RBFOX1: variants seen among roughly 807,000 people sequenced by gnomAD.
RBFOX1 encodes the protein RNA binding fox-1 homolog 1.
A neutral mutation model predicts 57.7 loss-of-function variants in RBFOX1; 8 were observed. The ratio of observed to expected loss-of-function variants is 0.14; its 90% confidence interval spans 0.08 to 0.25. The LOEUF (loss-of-function observed/expected upper bound fraction) is 0.25, where lower values mean the gene tolerates loss of function less well. Among genes scored for constraint, RBFOX1 ranks in the 10% least tolerant of loss-of-function variants. The pLI, the probability that RBFOX1 is intolerant of heterozygous loss-of-function variation, is 1.00. For missense variants in RBFOX1, 611 were observed against 548.5 expected, an observed-to-expected ratio of 1.11 and a Z score of -1.14; for synonymous variants, 326 against 222.4, an observed-to-expected ratio of 1.47 and a Z score of -4.15.
intron 2 of RBFOX1, among the ~76,000 whole-genome samples, chr16:6,536,407 CT>C (rs1374730576): frequency 1.3e-5 from 2 of 152,182 alleles, no homozygotes; most frequent in African/African-American, 4.8e-5. Context: ...TTTCTGTCCC[CT>C]ATTGTCCTCC....
chr16:7,162,954 A>C (rs7196045), intron 4 of RBFOX1, among the ~76,000 whole-genome samples: 32,214 of 151,914 alleles, frequency 0.21, 4,001 homozygotes, highest in East Asian at 0.42. Context: ...CACCTGACCT[A>C]ATGACCTTGG....
At chr16:6,754,858 C>T (rs1235854610) in intron 3 of RBFOX1, among the ~76,000 whole-genome samples, 1 of 152,064 alleles carries the variant, frequency 6.6e-6, no homozygotes, top group Non-Finnish European at 1.5e-5. Context: ...TCCCCTCTCC[C>T]CCCACCCCAC....
At chr16:6,374,518 G>T (rs2090915749) in intron 2 of RBFOX1, among the ~76,000 whole-genome samples, 1 of 152,062 alleles carries the variant, frequency 6.6e-6, no homozygotes, top group African/African-American at 2.4e-5. Context: ...TCTATTATGT[G>T]TTCTAGTGTC....
intron 4 of RBFOX1, among the ~76,000 whole-genome samples, chr16:7,169,397 G>T (rs1033617267): frequency 6.6e-6 from 1 of 152,186 alleles, no homozygotes; most frequent in Non-Finnish European, 1.5e-5. Flanking sequence ...GGGGTTGGGG[G>T]ATCCACTGTG....
chr16:7,017,005 C>G (rs1215441535), intron 3 of RBFOX1, among the ~76,000 whole-genome samples: 1 of 152,132 alleles, frequency 6.6e-6, no homozygotes, highest in Non-Finnish European at 1.5e-5. Context: ...TTGAGCGACC[C>G]TCTTTCTTTC....
Position 6,117,172 on chromosome 16 carries a change from T to C in RBFOX1, c.-127+97180T>C, listed in dbSNP as rs550044987. Among the ~76,000 whole-genome samples, 18 of 152,298 alleles carry C rather than the reference T, an allele frequency of 1.2e-4. No homozygotes were observed. The South Asian group carries it at 3.7e-3, about 32-fold the overall frequency. ...GTAAGCCAGACCCAAATGAACGGGA[T>C]TCCCTGTGAAAAGGGTGAGAGTTCA... On this transcript the variant is annotated intron_variant, in intron 1 of 15. Coordinates refer to ENST00000550418, the MANE Select transcript of RBFOX1 (RefSeq NM_018723.4).
chr16:6,874,818 A>C (rs986345594), intron 3 of RBFOX1, among the ~76,000 whole-genome samples: 1 of 152,172 alleles, frequency 6.6e-6, no homozygotes, highest in Non-Finnish European at 1.5e-5. Context: ...CTACATACTG[A>C]TTGGGTGATG....
chr16:7,694,459 T>G (rs962582798), intron 14 of RBFOX1, among the ~76,000 whole-genome samples: 15 of 152,352 alleles, frequency 9.8e-5, no homozygotes, highest in African/African-American at 3.6e-4. Flanking sequence ...AGGGTCAGTT[T>G]TATTTATATG....
At chr16:5,990,892 T>G (rs1029592924) in intron 4 of RBFOX1, among the ~76,000 whole-genome samples, 1 of 152,204 alleles carries the variant, frequency 6.6e-6, no homozygotes, top group African/African-American at 2.4e-5. Context: ...GAGACTCGCT[T>G]GAACCTGGAA....
At chr16:7,694,829 A>G (rs2078282197) in intron 14 of RBFOX1, among the ~76,000 whole-genome samples, 1 of 152,178 alleles carries the variant, frequency 6.6e-6, no homozygotes, top group African/African-American at 2.4e-5. Context: ...GGTGGGGAAT[A>G]ATGTTAATTT....
intron 4 of RBFOX1, among the ~76,000 whole-genome samples, chr16:7,062,877 C>A (rs1233641051): frequency 7.4e-6 from 1 of 135,426 alleles, no homozygotes; most frequent in East Asian, 2.3e-4. Flanking sequence ...TACCTCATCT[C>A]ATTCAAATGA....
intron 2 of RBFOX1, among the ~76,000 whole-genome samples, chr16:6,607,900 T>C (rs2097966306): frequency 6.6e-6 from 1 of 152,182 alleles, no homozygotes; most frequent in Non-Finnish European, 1.5e-5. Flanking sequence ...TCCTTGTTTC[T>C]GGAGTTGGCA....
chr16:5,445,356 C>G (rs2068210383), intron 1 of RBFOX1, among the ~76,000 whole-genome samples: 1 of 152,178 alleles, frequency 6.6e-6, no homozygotes, highest in Non-Finnish European at 1.5e-5. Flanking sequence ...AAACTCAACA[C>G]CCTGGAGTTT....
At chr16:7,448,464 C>T (rs563744838) in intron 4 of RBFOX1, among the ~76,000 whole-genome samples, 1 of 152,146 alleles carries the variant, frequency 6.6e-6, no homozygotes, top group Admixed American at 6.5e-5. Flanking sequence ...AGAGTGTATG[C>T]AGGGCAGCTT....
chr16:7,115,675 G>A (rs968607351), intron 4 of RBFOX1, among the ~76,000 whole-genome samples: 7 of 152,182 alleles, frequency 4.6e-5, no homozygotes, highest in African/African-American at 1.7e-4. Context: ...GAATGAAAGA[G>A]GGGACACCCA....
chr16:5,757,442 G>A (rs2151635106), intron 3 of RBFOX1, among the ~76,000 whole-genome samples: 1 of 152,050 alleles, frequency 6.6e-6, no homozygotes, highest in African/African-American at 2.4e-5. Flanking sequence ...ATTTTGGCCG[G>A]GATGGTCTCG....
intron 3 of RBFOX1, among the ~76,000 whole-genome samples, chr16:6,834,375 C>T (rs1366764731): frequency 1.3e-5 from 2 of 152,046 alleles, no homozygotes; most frequent in African/African-American, 4.8e-5. Context: ...CCACGCCTGG[C>T]CCTGATCCAA....
chr16:6,117,452 G>A (rs1028098824), intron 1 of RBFOX1, among the ~76,000 whole-genome samples: 1 of 152,236 alleles, frequency 6.6e-6, no homozygotes, highest in Non-Finnish European at 1.5e-5. Context: ...AAATTCTGGT[G>A]TTGCCGATGT....
intron 3 of RBFOX1, among the ~76,000 whole-genome samples, chr16:6,668,252 C>A (rs1219483133): frequency 6.6e-6 from 1 of 152,128 alleles, no homozygotes; most frequent in Non-Finnish European, 1.5e-5. Context: ...GATGAGGAGT[C>A]TGAGATTGTG....
Sources: gnomAD v4.1 joint callset for allele counts (sites outside exome capture counted in the v4.1 genomes callset) on GRCh38, gnomAD v4.1.1 for gene constraint, MANE v1.5 for transcripts, NCBI Gene and HGNC (gene_info 2026-07-23, HGNC 2026-07-21) for gene names.